Variants in PITPNC1 observed in about 807,000 individuals in gnomAD.
PITPNC1 encodes the protein phosphatidylinositol transfer protein cytoplasmic 1, also known as cytoplasmic phosphatidylinositol transfer protein 1.
In PITPNC1, 18 loss-of-function variants were observed where a neutral mutation model predicts 44.7. That is an observed-to-expected ratio of 0.40 (90% CI 0.28 to 0.60). The LOEUF (loss-of-function observed/expected upper bound fraction) is 0.60. Among genes scored for constraint, PITPNC1 ranks in the 20% least tolerant of loss-of-function variants. The pLI, the probability that PITPNC1 is intolerant of heterozygous loss-of-function variation, is 0.39. For missense variants in PITPNC1, 290 were observed against 418.4 expected (o/e 0.69, Z 2.68); for synonymous variants, 141 against 149.6 (o/e 0.94, Z 0.42).
intron 1 of PITPNC1, among the ~76,000 whole-genome samples, chr17:67,458,062 C>T (rs2039280596): frequency 1.3e-5 from 2 of 152,120 alleles, no homozygotes; most frequent in African/African-American, 4.8e-5. Flanking sequence ...GACATTGGCT[C>T]CTGGACTCCC....
chr17:67,430,146 G>C (rs1025291966), intron 1 of PITPNC1, among the ~76,000 whole-genome samples: 1 of 152,214 alleles, frequency 6.6e-6, no homozygotes, highest in Non-Finnish European at 1.5e-5. Flanking sequence ...GAATGCGCAG[G>C]AGTTTATAGA....
intron 6 of PITPNC1, among the ~76,000 whole-genome samples, chr17:67,640,358 G>T (rs1342036377): frequency 6.6e-6 from 1 of 152,070 alleles, no homozygotes; most frequent in African/African-American, 2.4e-5. Context: ...CCCCTTCCAG[G>T]GTCTGGATGA....
At chr17:67,539,405 C>G (rs1033785064) in intron 2 of PITPNC1, among the ~76,000 whole-genome samples, 1 of 152,150 alleles carries the variant, frequency 6.6e-6, no homozygotes, top group South Asian at 2.1e-4. Flanking sequence ...GAAATGGAAG[C>G]GATTCAAGTA....
At chr17:67,442,924 A>G (rs1220747364) in intron 1 of PITPNC1, among the ~76,000 whole-genome samples, 1 of 151,956 alleles carries the variant, frequency 6.6e-6, no homozygotes. Context: ...ACCCTCTTAA[A>G]TTTTACACCT....
chr17:67,385,787 G>T (rs557092662), intron 1 of PITPNC1, among the ~76,000 whole-genome samples: 1 of 151,982 alleles, frequency 6.6e-6, no homozygotes, highest in African/African-American at 2.4e-5. Flanking sequence ...AAAGGAGGGC[G>T]GGTAAATAGA....
At chr17:67,611,208 T>C (rs1407714153) in intron 5 of PITPNC1, 6 of 152,252 alleles carry the variant, frequency 3.9e-5, no homozygotes, top group Non-Finnish European at 5.9e-5. Flanking sequence ...ATATATTGTA[T>C]AGCTTATTCC....
chr17:67,678,552 G>A (rs575806336), intron 8 of PITPNC1, among the ~76,000 whole-genome samples: 2 of 152,294 alleles, frequency 1.3e-5, no homozygotes, highest in South Asian at 2.1e-4. Flanking sequence ...GAACTACACC[G>A]TTAATTTCAT....
At chr17:67,387,408 G>A (rs927967875) in intron 1 of PITPNC1, among the ~76,000 whole-genome samples, 4 of 152,228 alleles carry the variant, frequency 2.6e-5, no homozygotes, top group Non-Finnish European at 5.9e-5. Flanking sequence ...GCTCACGCCT[G>A]TAATCCCAGC....
chr17:67,445,512 G>A (rs578192999), intron 1 of PITPNC1, among the ~76,000 whole-genome samples: 3 of 151,972 alleles, frequency 2.0e-5, no homozygotes, highest in Non-Finnish European at 2.9e-5. Flanking sequence ...TCTGTAGAGC[G>A]CTTTAGTTCT....
intron 5 of PITPNC1, among the ~76,000 whole-genome samples, chr17:67,604,324 C>T (rs2041581458): frequency 6.6e-6 from 1 of 152,146 alleles, no homozygotes; most frequent in African/African-American, 2.4e-5. Context: ...GTCAGCTTCC[C>T]CTGGATTAGA....
chr17:67,408,571 T>G (rs973258294), intron 1 of PITPNC1, among the ~76,000 whole-genome samples: 2 of 151,902 alleles, frequency 1.3e-5, no homozygotes, highest in African/African-American at 2.4e-5. Flanking sequence ...GTTCAGTGTT[T>G]CCCTTCCCTT....
chr17:67,463,702 C>CA (rs1408424546), intron 1 of PITPNC1, among the ~76,000 whole-genome samples: 15 of 151,910 alleles, frequency 9.9e-5, no homozygotes, highest in African/African-American at 3.6e-4. Context: ...GAGTTTGAGA[C>CA]TGGCGCTGTG....
chr17:67,419,591 T>C (rs1046413727), intron 1 of PITPNC1, among the ~76,000 whole-genome samples: 1 of 152,036 alleles, frequency 6.6e-6, no homozygotes, highest in Non-Finnish European at 1.5e-5. Flanking sequence ...AATTACAGAA[T>C]AGACCAACTC....
chr17:67,492,495 G>A (rs2039877945), intron 1 of PITPNC1, among the ~76,000 whole-genome samples: 1 of 152,162 alleles, frequency 6.6e-6, no homozygotes, highest in Non-Finnish European at 1.5e-5. Context: ...GCCTGGCCCT[G>A]CTGACACCTT....
intron 5 of PITPNC1, among the ~76,000 whole-genome samples, chr17:67,626,272 C>T (rs1057454440): frequency 2.0e-5 from 3 of 152,164 alleles, no homozygotes; most frequent in Non-Finnish European, 2.9e-5. Flanking sequence ...AGGGATGAGC[C>T]GCTGTTCCCA....
chr17:67,412,647 A>G (rs753428864), intron 1 of PITPNC1, among the ~76,000 whole-genome samples: 3 of 151,818 alleles, frequency 2.0e-5, no homozygotes, highest in Non-Finnish European at 4.4e-5. Context: ...GCTCACTGCA[A>G]CCTCCACCTC....
At chr17:67,399,888 C>A (rs907915196) in intron 1 of PITPNC1, among the ~76,000 whole-genome samples, 8 of 152,192 alleles carry the variant, frequency 5.3e-5, no homozygotes, top group Non-Finnish European at 1.0e-4. Flanking sequence ...CTAGTCAGTC[C>A]TTGCTGTGTG....
chr17:67,399,125 C>T (rs529529652), intron 1 of PITPNC1, among the ~76,000 whole-genome samples: 3 of 151,176 alleles, frequency 2.0e-5, no homozygotes, highest in Non-Finnish European at 4.4e-5. Flanking sequence ...AGCGATTCTC[C>T]TGCCTCAGCC....
intron 6 of PITPNC1, among the ~76,000 whole-genome samples, chr17:67,656,849 T>C (rs984994065): frequency 6.6e-6 from 1 of 152,208 alleles, no homozygotes; most frequent in African/African-American, 2.4e-5. Context: ...ATAAGTGCTA[T>C]AACAAGAGTT....
Sources: allele counts gnomAD v4.1 joint callset (sites outside exome capture counted in the v4.1 genomes callset), GRCh38; gene constraint gnomAD v4.1.1; transcripts MANE v1.5; gene names NCBI Gene and HGNC (gene_info 2026-07-23, HGNC 2026-07-21).